The following SPOCK2 variants were observed in gnomAD, a reference collection of about 807,000 sequenced individuals.
The protein encoded by SPOCK2 is SPARC (osteonectin), cwcv and kazal like domains proteoglycan 2.
Under a neutral mutation model 60.1 loss-of-function variants are expected in SPOCK2, and 39 were observed. The ratio of observed to expected loss-of-function variants is 0.65; its 90% confidence interval spans 0.50 to 0.85. SPOCK2 has a LOEUF of 0.85. Among genes scored for constraint, SPOCK2 ranks in the 40% least tolerant of loss-of-function variants. The probability of loss-of-function intolerance (pLI) is 0.00; values close to 1 mark genes in which losing one functional copy is unlikely to be tolerated. For synonymous variants in SPOCK2, 217 were observed against 231.5 expected (o/e 0.94, Z 0.57); for missense variants, 523 against 567.4 (o/e 0.92, Z 0.80).
At chr10:72,084,454 G>A (rs960827489) in intron 1 of SPOCK2, among the ~76,000 whole-genome samples, 1 of 152,102 alleles carries the variant, frequency 6.6e-6, no homozygotes, top group African/African-American at 2.4e-5. Context: ...AGCTGCCTCT[G>A]GAGTGTTGCT....
At position 72,087,988 on chromosome 10, in the gene SPOCK2, T is replaced by C. The variant is rs1840885703; in HGVS notation, c.189+152A>G. 2.1e-6 allele frequency: 2 copies of C among 967,094 alleles called. No homozygotes were observed. Among genetic ancestry groups the C allele is most frequent in the Non-Finnish European group, 3.0e-6 (2 of 677,620 alleles). 59.9% of individuals were successfully genotyped at this position (967,094 alleles called of 1,614,324 possible). The stretch of plus-strand genomic sequence containing the variant: ...GGGACAGGGGAGGGGCGCTGGGCTG[T>C]GACCCCCAGTACTGTTTACTTTCCG... On this transcript the variant is annotated intron_variant, in intron 1 of 10. Transcript: ENST00000373109. The surrounding 1 kb of genome is among the most constrained non-coding windows in gnomAD (Gnocchi z 4.7).
intron 1 of SPOCK2, among the ~76,000 whole-genome samples, chr10:72,079,983 T>C (rs542058817): frequency 3.3e-5 from 5 of 152,208 alleles, no homozygotes; most frequent in Non-Finnish European, 5.9e-5. Flanking sequence ...CAGGCAATCA[T>C]GTCTGCAAGG....
intron 8 of SPOCK2, among the ~76,000 whole-genome samples, chr10:72,065,315 C>T (rs1344196898): frequency 6.6e-6 from 1 of 152,184 alleles, no homozygotes; most frequent in Non-Finnish European, 1.5e-5. Context: ...GGATTACAGG[C>T]GTGAGCCACC....
chr10:72,088,638 A>G, upstream of SPOCK2: 1 of 268,642 alleles, frequency 3.7e-6, no homozygotes, highest in Non-Finnish European at 7.0e-6. Context: ...AAAAAAAAAA[A>G]AGGAGTGGGT....
intron 5 of SPOCK2, among the ~76,000 whole-genome samples, chr10:72,069,803 CAT>C (rs1320798011): frequency 1.3e-5 from 2 of 152,166 alleles, no homozygotes; most frequent in African/African-American, 4.8e-5. Flanking sequence ...CTGAAATCCT[CAT>C]AAAAATCCAC....
intron 8 of SPOCK2, among the ~76,000 whole-genome samples, chr10:72,065,933 C>A (rs7898911): frequency 0.088 from 13,330 of 152,234 alleles, 632 homozygotes; most frequent in Admixed American, 0.15. Context: ...GGTCACTTGC[C>A]GGGGGTCCCT....
intron 1 of SPOCK2, among the ~76,000 whole-genome samples, chr10:72,083,280 G>C (rs1840813859): frequency 6.6e-6 from 1 of 152,192 alleles, no homozygotes; most frequent in South Asian, 2.1e-4. Flanking sequence ...GGATAAGCAG[G>C]GTATACATGT....
intron 6 of SPOCK2, 142 bp from the exon 7 acceptor site, chr10:72,067,874 G>T (rs560380750): frequency 2.3e-4 from 305 of 1,321,290 alleles, no homozygotes; most frequent in Middle Eastern, 8.8e-4. Flanking sequence ...GAAATCGGGG[G>T]CTTCCTCTCG....
chr10:72,086,762 C>G (rs1840861637), intron 1 of SPOCK2: 1 of 1,460,836 alleles, frequency 6.8e-7, no homozygotes, highest in African/African-American at 1.4e-5. Context: ...TCCTGCTGTC[C>G]TCTGTGAATT....
At chr10:72,068,331 C>G in intron 5 of SPOCK2, 30 bp from the exon 6 acceptor site, 1 of 1,572,738 alleles carries the variant, frequency 6.4e-7, no homozygotes. Context: ...GAACAGGGGA[C>G]TGAGGGCTTA....
chr10:72,081,449 C>G (rs574657632), intron 1 of SPOCK2, among the ~76,000 whole-genome samples: 1 of 152,364 alleles, frequency 6.6e-6, no homozygotes, highest in Non-Finnish European at 1.5e-5. Flanking sequence ...TTGGGGAAGA[C>G]AGCAGGAGGG....
chr10:72,087,085 C>A lies in SPOCK2; in HGVS notation c.189+1055G>T. ...CCAGGTCGCCAGGAGCAGCCGGCGT[C>A]GCCTCTGGCGCATCCGGGCCCATCC... On this transcript the variant is annotated intron_variant, in intron 1 of 10. Transcript: ENST00000373109. The surrounding 1 kb of genome is among the most constrained non-coding windows in gnomAD (Gnocchi z 4.7). The A allele has an allele frequency of 7.2e-7, 1 of 1,391,686 alleles. No homozygotes were observed. Among genetic ancestry groups the A allele is most frequent in the South Asian group, 1.4e-5 (1 of 71,490 alleles). 86.2% of individuals were successfully genotyped at this position (1,391,686 alleles called of 1,614,324 possible).
Position 72,063,036 on chromosome 10 carries a change from C to A in SPOCK2, c.1118G>T (p.Ser373Ile). The change falls in exon 10 of 11, where the codon AGC becomes ATC. Residue 373 changes from serine (S) to isoleucine (I), a missense_variant. Transcript: ENST00000373109. ...TGCCCAGCCCGTACCGCAGTCGGGG[C>A]TCCCATGCGTGCGCGTGCCAGTCAG... Reference protein sequence around the residue: ...LELTGTRTHGSPDCDDIVGFS... With the variant: ...LELTGTRTHGIPDCDDIVGFS... 6.4e-7 allele frequency: 1 copy of A among 1,555,524 alleles called. No individual in the cohort carries two copies. Among genetic ancestry groups the A allele is most frequent in the Non-Finnish European group, 8.7e-7 (1 of 1,149,394 alleles).
intron 1 of SPOCK2, chr10:72,086,348 C>A: frequency 2.0e-6 from 2 of 997,290 alleles, no homozygotes; most frequent in Non-Finnish European, 2.4e-6. Flanking sequence ...TTATTCTCAC[C>A]CACGGAGCTG....
chr10:72,067,529 G>A (rs1207108016), intron 7 of SPOCK2, 84 bp downstream of exon 7: 2 of 1,579,768 alleles, frequency 1.3e-6, no homozygotes, highest in Non-Finnish European at 1.7e-6. Context: ...AAGGAACAAG[G>A]GCAGACTGGC....
chr10:72,070,175 T>A, intron 5 of SPOCK2, 137 bp downstream of exon 5: 1 of 752,046 alleles, frequency 1.3e-6, no homozygotes, highest in Non-Finnish European at 2.1e-6. Context: ...CTGGCTGCAT[T>A]GAACACACTG....
Position 72,072,690 on chromosome 10 carries a change from C to A in SPOCK2, c.199-142G>T, listed in dbSNP as rs1202880732. 3 of 1,368,782 alleles carry A rather than the reference C, an allele frequency of 2.2e-6. No homozygotes were observed. In the Middle Eastern group the frequency reaches 5.3e-4, roughly 243 times the overall value. The allele number at this position is 1,368,782 out of a possible 1,614,324, so 84.8% of individuals were successfully genotyped here. ...TCCTGGTGGCTGACCCCTGTCCACC[C>A]AGGCCCTGCCAGCTGCCTCCCCCAC... On this transcript the variant is annotated intron_variant, in intron 2 of 10. Coordinates refer to ENST00000373109, the MANE Select transcript of SPOCK2 (RefSeq NM_001244950.2).
At chr10:72,086,724 T>C (rs1243122154) in intron 1 of SPOCK2, 8 of 1,391,584 alleles carry the variant, frequency 5.7e-6, no homozygotes, top group African/African-American at 2.9e-5. Flanking sequence ...GCCCGGCCAC[T>C]CAGCCTGGAG....
rs1309601050 is a variant in SPOCK2, at chr10:72,063,140, G to A, written c.1014C>T (p.Asp338=). 2.4e-5 allele frequency: 38 copies of A among 1,556,784 alleles called. No individual in the cohort carries two copies. Among genetic ancestry groups the A allele is most frequent in the African/African-American group, 8.2e-5 (6 of 73,358 alleles). The change falls in exon 10 of 11, where the codon GAC becomes GAT. Residue 338 remains aspartate, a synonymous_variant. Coordinates refer to ENST00000373109, the MANE Select transcript of SPOCK2 (RefSeq NM_001244950.2). ...GCATCTTCCGGTAGTAGCCATCCTCGTCGCAGCTCGGGATGAAGATGCCTG... is the reference window on the plus strand; with the variant it reads ...GCATCTTCCGGTAGTAGCCATCCTCATCGCAGCTCGGGATGAAGATGCCTG... ...KKPGIFIPSC[D]EDGYYRKMQC...
Sources: allele counts gnomAD v4.1 joint callset (sites outside exome capture counted in the v4.1 genomes callset), GRCh38; gene constraint gnomAD v4.1.1; non-coding constraint Gnocchi (gnomAD v3.1); transcripts MANE v1.5; gene names NCBI Gene and HGNC (gene_info 2026-07-23, HGNC 2026-07-21).